HS1BP3: variants seen among roughly 807,000 people sequenced by gnomAD.
HS1BP3 encodes HCLS1 binding protein 3.
A neutral mutation model predicts 33.5 loss-of-function variants in HS1BP3; 32 were observed. The observed-to-expected ratio is 0.95, with a 90% CI of 0.72 to 1.28. The LOEUF (loss-of-function observed/expected upper bound fraction) is 1.28, where lower values mean the gene tolerates loss of function less well. Ranked by LOEUF, HS1BP3 falls within the 50% of genes most tolerant of loss-of-function variation. HS1BP3 has a pLI of 0.00. For synonymous variants in HS1BP3, 187 were observed against 209.2 expected (o/e 0.89, Z 0.92); for missense variants, 486 against 502.3 (o/e 0.97, Z 0.31).
chr2:20,559,877 C>T (rs73916865), downstream of HS1BP3, among the ~76,000 whole-genome samples: 6,245 of 152,286 alleles, frequency 0.041, 281 homozygotes, highest in African/African-American at 0.11. Context: ...CTGAGCTGTG[C>T]ACCACTTGCG....
Position 20,623,939 on chromosome 2 carries a change from TG to T in HS1BP3, c.876del (p.Thr293HisfsTer24). 6.2e-7 allele frequency: 1 copy of T among 1,612,356 alleles called. No homozygotes were observed. The highest frequency in any genetic ancestry group is 8.5e-7 in the Non-Finnish European group (1 of 1,179,892). ...LLPAACESGG[P>X]TPSLSHRDAS... ...GCGTCCCTGTGGCTGAGGCTGGGTG[TG>T]GGCCCTCCACTCTCACAGGCGGCTG... is the stretch of plus-strand genomic sequence containing the variant. On this transcript the variant is annotated frameshift_variant, in exon 6 of 7. Transcript: ENST00000304031. LOFTEE classifies it low-confidence loss of function (END_TRUNC).
intron 5 of HS1BP3, among the ~76,000 whole-genome samples, chr2:20,572,122 C>T (rs1314638445): frequency 6.6e-6 from 1 of 152,242 alleles, no homozygotes; most frequent in Non-Finnish European, 1.5e-5. Flanking sequence ...CAAGAGCTGG[C>T]TCGGTTCTGA....
At chr2:20,597,388 A>G (rs1459935553) in intron 3 of HS1BP3, among the ~76,000 whole-genome samples, 1 of 152,186 alleles carries the variant, frequency 6.6e-6, no homozygotes, top group Non-Finnish European at 1.5e-5. Context: ...AGAGCCCTGG[A>G]CGGAGCTCCA....
At chr2:20,617,733 C>T (rs3732157), downstream of HS1BP3, 25,742 of 152,372 alleles carry the variant, frequency 0.17, 2,459 homozygotes, top group Non-Finnish European at 0.21. Context: ...GTTGCATTTC[C>T]TTTAAAACTA....
chr2:20,615,264 G>A (rs1170373932), downstream of HS1BP3, among the ~76,000 whole-genome samples: 2 of 152,224 alleles, frequency 1.3e-5, no homozygotes, highest in Non-Finnish European at 2.9e-5. Context: ...CAGCCAAGCT[G>A]GACTGGAACC....
chr2:20,562,755 G>A (rs998527763), intron 5 of HS1BP3, among the ~76,000 whole-genome samples: 2 of 152,216 alleles, frequency 1.3e-5, no homozygotes, highest in Admixed American at 6.5e-5. Context: ...AATTCAAAGC[G>A]AGGACAGACA....
In HS1BP3 at chr2:20,622,171, A is replaced by G. The variant is rs912852108; in HGVS notation, c.920+1725T>C. On this transcript the variant is annotated intron_variant, in intron 6 of 6. Coordinates refer to ENST00000304031, the MANE Select transcript of HS1BP3 (RefSeq NM_022460.4). The stretch of plus-strand genomic sequence containing the variant: ...GTGACAGAATGAACGAAGGGGTGAA[A>G]GCATGAATGAATGAATGGCTATCAG... 22 of 1,284,946 alleles carry G rather than the reference A, an allele frequency of 1.7e-5. No homozygotes were observed. The African/African-American group carries it at 2.6e-4, about 15-fold the overall frequency. 79.6% of individuals were successfully genotyped at this position (1,284,946 alleles called of 1,614,324 possible).
the HS1BP3 span, among the ~76,000 whole-genome samples, chr2:20,554,433 C>G: frequency 2.0e-5 from 3 of 152,174 alleles, no homozygotes; most frequent in African/African-American, 7.2e-5. Context: ...GCTTAAGAAG[C>G]ACTCAGGGGC....
At chr2:20,572,496 T>C (rs994332205) in intron 5 of HS1BP3, among the ~76,000 whole-genome samples, 12 of 152,192 alleles carry the variant, frequency 7.9e-5, no homozygotes, top group African/African-American at 2.9e-4. Context: ...AACCAAGGAC[T>C]TTGTCCTCCA....
intron 2 of HS1BP3, among the ~76,000 whole-genome samples, chr2:20,598,645 G>T (rs892653021): frequency 1.6e-5 from 2 of 128,060 alleles, no homozygotes; most frequent in African/African-American, 5.8e-5. Flanking sequence ...TGCAAGCTCC[G>T]CCTCCCGGGT....
intron 5 of HS1BP3, among the ~76,000 whole-genome samples, chr2:20,561,828 T>G (rs1245249486): frequency 1.3e-5 from 2 of 152,134 alleles, no homozygotes; most frequent in East Asian, 3.8e-4. Context: ...GACTCATGAC[T>G]TGGGGGCCCC....
rs1374186495 is a variant in HS1BP3, at chr2:20,628,374, A to T, written c.624-3482T>A. Among the ~76,000 whole-genome samples, 4 of 152,122 alleles carry T rather than the reference A, an allele frequency of 2.6e-5. No individual in the cohort carries two copies. In the East Asian group the frequency reaches 7.7e-4, roughly 29 times the overall value. The stretch of plus-strand genomic sequence containing the variant: ...GGAGGCTGAGGTGGGTGAATTTAAG[A>T]ATAAAATATGAAAAGTGCTTTAGTT... On this transcript the variant is annotated intron_variant, in intron 4 of 6. Transcript: ENST00000304031.
In HS1BP3 at chr2:20,570,906, G is replaced by A. The variant is rs566118835; in HGVS notation, c.303-10391C>T. Among the ~76,000 whole-genome samples the A allele has an allele frequency of 5.1e-3, 774 of 152,282 alleles. 5 individuals carry two copies. The highest frequency in any genetic ancestry group is 0.018 in the African/African-American group (749 of 41,538). On this transcript the variant is annotated intron_variant, in intron 5 of 5. Coordinates refer to the HS1BP3 transcript ENST00000446825. ...GGCTGAGGCCAGAAAGCCCTGGGCA[G>A]GGTCATGGAAGGCCTCAGATGCCGG...
chr2:20,565,130 A>G (rs1024680967), intron 5 of HS1BP3, among the ~76,000 whole-genome samples: 3 of 152,184 alleles, frequency 2.0e-5, no homozygotes, highest in Non-Finnish European at 4.4e-5. Flanking sequence ...CTGTGGGAAG[A>G]CACAAAATTG....
chr2:20,649,591 A>T (rs527486636), intron 1 of HS1BP3, among the ~76,000 whole-genome samples: 1 of 152,350 alleles, frequency 6.6e-6, no homozygotes, highest in South Asian at 2.1e-4. Context: ...CCCGGTACAG[A>T]GAAGGCTCTC....
downstream of HS1BP3, among the ~76,000 whole-genome samples, chr2:20,592,009 C>A (rs1484293521): frequency 1.3e-5 from 2 of 152,166 alleles, no homozygotes; most frequent in African/African-American, 2.4e-5. Context: ...AGAACAGCCC[C>A]AGCATCCAGG....
At chr2:20,563,221 G>A (rs568647068) in intron 5 of HS1BP3, among the ~76,000 whole-genome samples, 16 of 152,336 alleles carry the variant, frequency 1.1e-4, no homozygotes, top group African/African-American at 3.8e-4. Flanking sequence ...AACCCCAGAA[G>A]GCTGAACCAG....
chr2:20,634,638 T>A (rs1279468661), intron 4 of HS1BP3: 1 of 152,256 alleles, frequency 6.6e-6, no homozygotes, highest in Non-Finnish European at 1.5e-5. Context: ...TGCTGCTAAA[T>A]CTTGGGTTAG....
At chr2:20,553,963 G>T in the HS1BP3 span, among the ~76,000 whole-genome samples, 1 of 152,204 alleles carries the variant, frequency 6.6e-6, no homozygotes, top group Admixed American at 6.5e-5. Context: ...AGGGATGAAG[G>T]ACGGTTTAGT....
Sources: gnomAD v4.1 joint callset for allele counts (sites outside exome capture counted in the v4.1 genomes callset) on GRCh38, gnomAD v4.1.1 for gene constraint, MANE v1.5 for transcripts, NCBI Gene and HGNC (gene_info 2026-07-23, HGNC 2026-07-21) for gene names.